The following CUL5 variants were observed in gnomAD, a reference collection of about 807,000 sequenced individuals.
CUL5 encodes the protein cullin 5, also known as cullin-5.
A neutral mutation model predicts 108.8 loss-of-function variants in CUL5; 26 were observed. The observed-to-expected ratio is 0.24, with a 90% CI of 0.18 to 0.33. The LOEUF is 0.33. Ranked by LOEUF, CUL5 falls within the 10% of genes least tolerant of loss-of-function variation. The pLI, the probability that CUL5 is intolerant of heterozygous loss-of-function variation, is 1.00. For synonymous variants in CUL5, 334 were observed against 298.0 expected, an observed-to-expected ratio of 1.12 and a Z score of -1.25; for missense variants, 524 against 909.2, an observed-to-expected ratio of 0.58 and a Z score of 5.45.
intron 1 of CUL5, among the ~76,000 whole-genome samples, chr11:108,032,020 A>T (rs1862597773): frequency 6.6e-6 from 1 of 152,170 alleles, no homozygotes; most frequent in South Asian, 2.1e-4. Context: ...GGCCTACCAG[A>T]GGGTGAAGGG....
intron 7 of CUL5, among the ~76,000 whole-genome samples, chr11:108,064,340 T>C (rs1334669896): frequency 6.6e-6 from 1 of 152,252 alleles, no homozygotes; most frequent in Non-Finnish European, 1.5e-5. Flanking sequence ...AATTTGTGTA[T>C]GTTGAACCAT....
chr11:108,055,061 T>G, intron 7 of CUL5, 106 bp downstream of exon 7: 1 of 864,846 alleles, frequency 1.2e-6, no homozygotes, highest in Non-Finnish European at 1.8e-6. Flanking sequence ...CCAACATTGT[T>G]AATTGATTTT....
intron 2 of CUL5, among the ~76,000 whole-genome samples, chr11:108,042,643 C>T (rs942222542): frequency 7.2e-5 from 11 of 152,100 alleles, no homozygotes; most frequent in Admixed American, 3.3e-4. Flanking sequence ...TTCCAGGAAG[C>T]CTTTCCTTTT....
At chr11:108,055,315 T>G (rs572209625) in intron 7 of CUL5, among the ~76,000 whole-genome samples, 1 of 152,142 alleles carries the variant, frequency 6.6e-6, no homozygotes, top group Non-Finnish European at 1.5e-5. Context: ...GTTGACTCTC[T>G]TTTTTTGTAC....
chr11:108,098,285 A>G, intron 17 of CUL5, 121 bp from the exon 18 acceptor site: 1 of 854,290 alleles, frequency 1.2e-6, no homozygotes, highest in Middle Eastern at 2.8e-4. Context: ...TTGTCATTTA[A>G]CCTTTAAACA....
At chr11:108,024,549 T>G (rs1429497754) in intron 1 of CUL5, among the ~76,000 whole-genome samples, 1 of 152,194 alleles carries the variant, frequency 6.6e-6, no homozygotes, top group Non-Finnish European at 1.5e-5. Flanking sequence ...TCAGATATTA[T>G]AAAGTAAAAT....
At chr11:108,070,422 G>A (rs772269107) in intron 8 of CUL5, among the ~76,000 whole-genome samples, 9 of 152,074 alleles carry the variant, frequency 5.9e-5, no homozygotes, top group Non-Finnish European at 1.2e-4. Flanking sequence ...CTGTGTATGT[G>A]TATGGTGAAT....
intron 11 of CUL5, among the ~76,000 whole-genome samples, chr11:108,085,972 ATTAT>A (rs1286421455): frequency 6.6e-6 from 1 of 152,220 alleles, no homozygotes; most frequent in African/African-American, 2.4e-5. Flanking sequence ...TATATCAGTA[ATTAT>A]TAATAAGCTT....
chr11:108,037,435 G>A (rs1862774880), intron 2 of CUL5, among the ~76,000 whole-genome samples: 1 of 152,162 alleles, frequency 6.6e-6, no homozygotes. Flanking sequence ...GTGATTGCTG[G>A]GAGTATTCAT....
At chr11:108,033,266 A>G (rs1862641806) in intron 1 of CUL5, among the ~76,000 whole-genome samples, 2 of 152,160 alleles carry the variant, frequency 1.3e-5, no homozygotes, top group South Asian at 2.1e-4. Context: ...CCCAACCTTT[A>G]CTGTTGAGTT....
intron 11 of CUL5, among the ~76,000 whole-genome samples, chr11:108,079,740 C>T (rs73557155): frequency 0.13 from 20,153 of 152,098 alleles, 1,430 homozygotes; most frequent in African/African-American, 0.18. Flanking sequence ...TATTCCCAGT[C>T]GGTCCCACCC....
intron 10 of CUL5, among the ~76,000 whole-genome samples, chr11:108,076,238 T>C (rs1460593875): frequency 1.3e-5 from 2 of 151,790 alleles, no homozygotes; most frequent in African/African-American, 2.4e-5. Flanking sequence ...CTCAGTATGT[T>C]GCCCAGGCTG....
At position 108,073,505 on chromosome 11, in the gene CUL5, TTC is replaced by T; in HGVS notation, c.1113+9_1113+10del. ...CTTACTGCAAGAGATAAGGTATATATTCCTATATATATAAAAAACACTTTTAA... is the reference window on the plus strand; with the variant it reads ...CTTACTGCAAGAGATAAGGTATATATCTATATATATAAAAAACACTTTTAA... On this transcript the variant is annotated intron_variant, in intron 10 of 18. Transcript: ENST00000393094. 7.9e-7 allele frequency: 1 copy of T among 1,266,968 alleles called. No homozygotes were observed. The highest frequency in any genetic ancestry group is 1.1e-6 in the Non-Finnish European group (1 of 905,252). 78.5% of individuals were successfully genotyped at this position (1,266,968 alleles called of 1,614,324 possible).
intron 12 of CUL5, 41 bp downstream of exon 12, chr11:108,088,700 A>G (rs746722518): frequency 6.7e-7 from 1 of 1,499,884 alleles, no homozygotes; most frequent in Non-Finnish European, 9.0e-7. Flanking sequence ...AAATTACCTT[A>G]CTTTGAATTT....
At chr11:108,036,946 C>T (rs1001556181) in intron 2 of CUL5, among the ~76,000 whole-genome samples, 3 of 152,252 alleles carry the variant, frequency 2.0e-5, no homozygotes, top group African/African-American at 7.2e-5. Context: ...GTTCACTCTC[C>T]CCACTCCTGT....
intron 1 of CUL5, among the ~76,000 whole-genome samples, chr11:108,010,723 A>AT (rs767669899): frequency 9.9e-5 from 15 of 152,226 alleles, no homozygotes; most frequent in Non-Finnish European, 1.8e-4. Context: ...AAGAAAACTA[A>AT]TTCGGGGAAT....
At chr11:108,098,262 A>G (rs1322518768) in intron 17 of CUL5, 144 bp from the exon 18 acceptor site, 12 of 653,086 alleles carry the variant, frequency 1.8e-5, no homozygotes, top group Non-Finnish European at 2.9e-5. Flanking sequence ...TTTTAAAGCA[A>G]TATGTAGGTT....
intron 9 of CUL5, 98 bp downstream of exon 9, chr11:108,072,560 T>G (rs1591315468): frequency 9.6e-7 from 1 of 1,038,438 alleles, no homozygotes; most frequent in Non-Finnish European, 1.4e-6. Context: ...AGGCTGGGGG[T>G]TGGGGGAGCA....
intron 7 of CUL5, among the ~76,000 whole-genome samples, chr11:108,060,875 CTCACCT>C (rs1863516337): frequency 6.6e-6 from 1 of 151,958 alleles, no homozygotes; most frequent in South Asian, 2.1e-4. Context: ...GCCTACCTGT[CTCACCT>C]TTCATTTTCC....
Sources: gnomAD v4.1 joint callset for allele counts (sites outside exome capture counted in the v4.1 genomes callset) on GRCh38, gnomAD v4.1.1 for gene constraint, MANE v1.5 for transcripts, NCBI Gene and HGNC (gene_info 2026-07-23, HGNC 2026-07-21) for gene names.